The following SYT9 variants were observed in gnomAD, a reference collection of about 807,000 sequenced individuals.
SYT9 encodes the protein synaptotagmin 9, also known as synaptotagmin-9.
SYT9 carries 22 observed loss-of-function variants against 48.4 expected under a neutral mutation model. The ratio of observed to expected loss-of-function variants is 0.45; its 90% CI spans 0.32 to 0.65. The LOEUF (loss-of-function observed/expected upper bound fraction) is 0.65. Among genes scored for constraint, SYT9 ranks in the 30% least tolerant of loss-of-function variants. The probability of loss-of-function intolerance (pLI) is 0.03; values close to 1 mark genes in which losing one functional copy is unlikely to be tolerated. For synonymous variants in SYT9, 265 were observed against 245.0 expected (o/e 1.08, Z -0.76); for missense variants, 577 against 622.0 (o/e 0.93, Z 0.77).
At chr11:7,439,904 C>T (rs1006976590) in intron 6 of SYT9, 2 of 152,154 alleles carry the variant, frequency 1.3e-5, no homozygotes, top group African/African-American at 4.8e-5. Context: ...TATGACATGG[C>T]CTGGCACCCC....
intron 3 of SYT9, among the ~76,000 whole-genome samples, chr11:7,348,496 T>A (rs1398643071): frequency 2.0e-5 from 3 of 152,080 alleles, no homozygotes; most frequent in Non-Finnish European, 4.4e-5. Flanking sequence ...GAATATTGCT[T>A]CACGTTTAAT....
At chr11:7,336,544 G>T (rs530778956) in intron 3 of SYT9, among the ~76,000 whole-genome samples, 2 of 151,908 alleles carry the variant, frequency 1.3e-5, no homozygotes, top group African/African-American at 4.8e-5. Context: ...GTCTAGTTTC[G>T]ATCATCTTCA....
In SYT9 at chr11:7,272,134, T is replaced by G. The variant is rs568629826; in HGVS notation, c.145+19803T>G. ...TATAATCTGGGGAGAATTACCTAAC[T>G]TCTTGGTGTCTTAATTTTCTTATCT... On this transcript the variant is annotated intron_variant, in intron 1 of 6. Transcript: ENST00000318881. Among the ~76,000 whole-genome samples, 13 of 152,326 alleles carry G rather than the reference T, an allele frequency of 8.5e-5. No homozygotes were observed. In the South Asian group the frequency reaches 2.7e-3, roughly 32 times the overall value.
chr11:7,349,060 A>T (rs533658585), intron 3 of SYT9, among the ~76,000 whole-genome samples: 2 of 152,082 alleles, frequency 1.3e-5, no homozygotes, highest in South Asian at 4.2e-4. Context: ...GCTTTTAGGG[A>T]GTGGCTTCCA....
intron 6 of SYT9, among the ~76,000 whole-genome samples, chr11:7,443,334 T>C (rs575452550): frequency 3.9e-5 from 6 of 152,388 alleles, no homozygotes; most frequent in Admixed American, 3.9e-4. Context: ...AATTAGATTG[T>C]TTAATAACAG....
intron 3 of SYT9, among the ~76,000 whole-genome samples, chr11:7,392,356 A>G (rs1846641656): frequency 6.6e-6 from 1 of 152,242 alleles, no homozygotes; most frequent in Middle Eastern, 3.4e-3. Flanking sequence ...CATTTATTCA[A>G]TAAGGAATCT....
intron 1 of SYT9, among the ~76,000 whole-genome samples, chr11:7,293,911 G>A (rs1346414253): frequency 1.3e-5 from 2 of 152,176 alleles, no homozygotes; most frequent in Non-Finnish European, 2.9e-5. Flanking sequence ...ATTTGTATAA[G>A]AGAAGTAGTA....
At chr11:7,250,435 A>G (rs988395731), upstream of SYT9, among the ~76,000 whole-genome samples, 2 of 141,864 alleles carry the variant, frequency 1.4e-5, no homozygotes, top group Non-Finnish European at 3.1e-5. Context: ...CACCATTACT[A>G]TATGTCCCCC....
chr11:7,286,693 C>A (rs796504727), intron 1 of SYT9, among the ~76,000 whole-genome samples: 1 of 152,160 alleles, frequency 6.6e-6, no homozygotes, highest in South Asian at 2.1e-4. Flanking sequence ...TTTATTCCAC[C>A]AGATACCCTA....
chr11:7,261,046 C>T (rs961995951), intron 1 of SYT9, among the ~76,000 whole-genome samples: 8 of 152,180 alleles, frequency 5.3e-5, no homozygotes, highest in African/African-American at 1.9e-4. Context: ...CACCAAGCCA[C>T]GCTGTAGAGA....
intron 6 of SYT9, among the ~76,000 whole-genome samples, chr11:7,465,061 C>T (rs1848307827): frequency 6.6e-6 from 1 of 152,050 alleles, no homozygotes. Context: ...GCACTCCAGC[C>T]TGGGGACAGA....
intron 1 of SYT9, among the ~76,000 whole-genome samples, chr11:7,239,651 C>T (rs1847720263): frequency 6.6e-6 from 1 of 152,070 alleles, no homozygotes; most frequent in South Asian, 2.1e-4. Context: ...CTGCTTTAGA[C>T]AGTTATTACA....
At chr11:7,336,217 T>C (rs1001934144) in intron 3 of SYT9, among the ~76,000 whole-genome samples, 1 of 152,202 alleles carries the variant, frequency 6.6e-6, no homozygotes, top group Non-Finnish European at 1.5e-5. Flanking sequence ...TTTGTTTACA[T>C]TCCTTATAAA....
chr11:7,392,017 C>T (rs1401817707), intron 3 of SYT9, among the ~76,000 whole-genome samples: 1 of 151,744 alleles, frequency 6.6e-6, no homozygotes, highest in Non-Finnish European at 1.5e-5. Flanking sequence ...TATATTAGTC[C>T]TTAATTTAGA....
intron 3 of SYT9, among the ~76,000 whole-genome samples, chr11:7,363,025 CTCCATTATACCT>C (rs1850175601): frequency 1.3e-5 from 1 of 76,904 alleles, no homozygotes; most frequent in Non-Finnish European, 2.9e-5. Context: ...CTTGGGACAG[CTCCATTATACCT>C]TTCTTTTGCT....
At chr11:7,359,081 A>G (rs1850077374) in intron 3 of SYT9, among the ~76,000 whole-genome samples, 2 of 148,498 alleles carry the variant, frequency 1.3e-5, no homozygotes, top group South Asian at 2.2e-4. Context: ...ATTCCCACCT[A>G]TGAGTGAGAA....
intron 6 of SYT9, among the ~76,000 whole-genome samples, chr11:7,426,764 A>G (rs1486020190): frequency 2.0e-5 from 3 of 152,144 alleles, no homozygotes; most frequent in Non-Finnish European, 4.4e-5. Flanking sequence ...TCTGGTGGAA[A>G]CAATATATAT....
chr11:7,281,489 T>C (rs1470763727), intron 1 of SYT9, among the ~76,000 whole-genome samples: 2 of 152,242 alleles, frequency 1.3e-5, no homozygotes, highest in Non-Finnish European at 2.9e-5. Context: ...TATTACTGCT[T>C]TTTACATTTC....
chr11:7,410,384 TTTG>T lies in SYT9; in HGVS notation c.1045-5648_1045-5646del, dbSNP rs1306923372. On this transcript the variant is annotated intron_variant, in intron 3 of 6. Coordinates refer to ENST00000318881, the MANE Select transcript of SYT9 (RefSeq NM_175733.4). ...CTAAAGTGTAGTTTAAATCCAATTT[TTTG>T]TTGTTGTTGATTTTCTGTCTAGATG... Among the ~76,000 whole-genome samples, 9 of 152,212 alleles carry T rather than the reference TTTG, an allele frequency of 5.9e-5. No individual in the cohort carries two copies. The East Asian group carries it at 7.7e-4, about 13-fold the overall frequency.
Sources: gnomAD v4.1 joint callset for allele counts (sites outside exome capture counted in the v4.1 genomes callset) on GRCh38, gnomAD v4.1.1 for gene constraint, MANE v1.5 for transcripts, NCBI Gene and HGNC (gene_info 2026-07-23, HGNC 2026-07-21) for gene names.